IFI35: variants seen among roughly 807,000 people sequenced by gnomAD.
IFI35 encodes the protein interferon induced protein 35.
Under a neutral mutation model 28.6 loss-of-function variants are expected in IFI35, and 30 were observed. The observed-to-expected ratio is 1.05, with a 90% confidence interval of 0.79 to 1.43. The LOEUF is 1.43. Among genes scored for constraint, IFI35 ranks in the 40% most tolerant of loss-of-function variants. The pLI, the probability that IFI35 is intolerant of heterozygous loss-of-function variation, is 0.00. For missense variants in IFI35, 372 were observed against 356.9 expected (o/e 1.04, Z -0.34); for synonymous variants, 146 against 154.8 (o/e 0.94, Z 0.42).
chr17:43,007,440 G>C (rs1468692021), intron 1 of IFI35, among the ~76,000 whole-genome samples: 2 of 151,440 alleles, frequency 1.3e-5, no homozygotes, highest in Non-Finnish European at 2.9e-5. Context: ...GGGAGGCGGA[G>C]GTTGCAGTGA....
At chr17:43,013,935 C>G in intron 6 of IFI35, 53 bp downstream of exon 6, 2 of 1,400,530 alleles carry the variant, frequency 1.4e-6, no homozygotes, top group East Asian at 2.4e-5. Context: ...TGTCTGCCTG[C>G]CAGGAACTTG....
At chr17:43,011,642 A>G (rs1478293095) in intron 1 of IFI35, among the ~76,000 whole-genome samples, 1 of 152,234 alleles carries the variant, frequency 6.6e-6, no homozygotes, top group Non-Finnish European at 1.5e-5. Context: ...CGGGCTTAGC[A>G]CAGTGCCTGG....
intron 1 of IFI35, among the ~76,000 whole-genome samples, chr17:43,009,483 G>A (rs775998): frequency 0.23 from 34,139 of 151,710 alleles, 3,974 homozygotes; most frequent in South Asian, 0.27. Context: ...AGCCGGGCAC[G>A]GTGGCTCACT....
rs752251565 is a variant in IFI35, at chr17:43,014,324, A to AC, written c.*32dup. The AC allele has an allele frequency of 6.5e-5, 97 of 1,481,110 alleles. No individual in the cohort carries two copies. Among genetic ancestry groups the AC allele is most frequent in the South Asian group, 6.4e-4 (47 of 73,260 alleles). The allele number at this position is 1,481,110 out of a possible 1,614,324, so 91.7% of individuals were successfully genotyped here. On this transcript the variant is annotated 3_prime_UTR_variant, in exon 7 of 7. Transcript: ENST00000415816. Reference sequence around the variant, plus strand: ...GGGGCCTCCCCTTCTCATCCTCCCCACCCCCCCGCCAAGGTTCTCACACTG... The same window carrying AC: ...GGGGCCTCCCCTTCTCATCCTCCCCACCCCCCCCGCCAAGGTTCTCACACTG...
In IFI35 at chr17:43,014,339, T is replaced by C. The variant is rs760687955; in HGVS notation, c.*40T>C. The C allele has an allele frequency of 2.3e-5, 34 of 1,447,404 alleles. No individual in the cohort carries two copies. Among genetic ancestry groups the C allele is most frequent in the East Asian group, 2.1e-4 (9 of 42,834 alleles). The allele number at this position is 1,447,404 out of a possible 1,614,324, so 89.7% of individuals were successfully genotyped here. A position where few individuals can be genotyped will look rare whatever the true frequency, so the allele number is the denominator to read the frequency against. On this transcript the variant is annotated 3_prime_UTR_variant, in exon 7 of 7. Coordinates refer to ENST00000415816, the MANE Select transcript of IFI35 (RefSeq NM_001330230.2). ...CATCCTCCCCACCCCCCCGCCAAGG[T>C]TCTCACACTGGCCTGGGCTTGGGTG...
Position 43,013,578 on chromosome 17 carries a change from G to C in IFI35, c.478G>C (p.Gly160Arg). ...GCTGGACAAGCTAGAGATCTTCTTT[G>C]GCAAGACTAGGAACGGAGGTGGCGA... is the stretch of plus-strand genomic sequence containing the variant. Reference protein sequence around the residue: ...ELLDKLEIFFGKTRNGGGDVD... With the variant: ...ELLDKLEIFFRKTRNGGGDVD... The change falls in exon 5 of 7, where the codon GGC (glycine) becomes CGC (arginine). Residue 160 changes from glycine to arginine, a missense_variant. Physicochemically the swap from Gly to Arg is moderately radical, Grantham distance 125 (BLOSUM62 -2). Transcript: ENST00000415816. 3 of 1,614,122 alleles carry C rather than the reference G, an allele frequency of 1.9e-6. No homozygotes were observed. The highest frequency in any genetic ancestry group is 2.5e-6 in the Non-Finnish European group (3 of 1,179,986).
chr17:43,007,285 G>A (rs1040259602), intron 1 of IFI35, among the ~76,000 whole-genome samples: 11 of 152,084 alleles, frequency 7.2e-5, no homozygotes, highest in Admixed American at 3.9e-4. Context: ...GGTGTCTCAC[G>A]CCTGTCATCC....
At chr17:43,013,410 T>G in intron 4 of IFI35, 37 bp downstream of exon 4, 1 of 1,611,966 alleles carries the variant, frequency 6.2e-7, no homozygotes, top group Non-Finnish European at 8.5e-7. Flanking sequence ...ATGCAAAGCA[T>G]GCCATGCACC....
chr17:43,009,352 C>A (rs2050437014), intron 1 of IFI35, among the ~76,000 whole-genome samples: 1 of 152,114 alleles, frequency 6.6e-6, no homozygotes, highest in African/African-American at 2.4e-5. Flanking sequence ...GGGTCCGTGG[C>A]TCCTGCCTGT....
At position 43,013,254 on chromosome 17, in the gene IFI35, TCCCACCA is replaced by T; in HGVS notation, c.269-8_269-2del. 1 of 1,614,024 alleles carries T rather than the reference TCCCACCA, an allele frequency of 6.2e-7. No individual in the cohort carries two copies. Among genetic ancestry groups the T allele is most frequent in the South Asian group, 1.1e-5 (1 of 91,064 alleles). On this transcript the variant is annotated splice_polypyrimidine_tract_variant and splice_region_variant and intron_variant, in intron 3 of 6. Coordinates refer to ENST00000415816, the MANE Select transcript of IFI35 (RefSeq NM_001330230.2). ...GAGGGTTCCCAGTACTGACCCTGTT[TCCCACCA>T]CCCAGTGGCTGAGCAGGTGCTGCAA...
At chr17:43,012,305 G>A (rs773694910) in intron 2 of IFI35, 28 bp downstream of exon 2, 1 of 1,530,014 alleles carries the variant, frequency 6.5e-7, no homozygotes, top group Middle Eastern at 1.7e-4. Flanking sequence ...GTGTTGTTTG[G>A]TAAAAACGAG....
Position 43,013,807 on chromosome 17 carries a change from C to T in IFI35, c.594C>T (p.Phe198=). 1 of 1,612,958 alleles carries T rather than the reference C, an allele frequency of 6.2e-7. No individual in the cohort carries two copies. Among genetic ancestry groups the T allele is most frequent in the Non-Finnish European group, 8.5e-7 (1 of 1,179,496 alleles). The change falls in exon 6 of 7, where the codon TTC becomes TTT. Residue 198 remains phenylalanine (F), a synonymous_variant. Transcript: ENST00000415816. ...AGCGTCTGTGCCAAATCGGCCAGTTCACAGTGCCACTGGGTGGGCAGCAAG... is the reference window on the plus strand; with the variant it reads ...AGCGTCTGTGCCAAATCGGCCAGTTTACAGTGCCACTGGGTGGGCAGCAAG... The part of the protein sequence containing the change: ...VAQRLCQIGQ[F]TVPLGGQQVP...
chr17:43,013,371 CAG>C lies in IFI35; in HGVS notation c.374_375del (p.Gln125HisfsTer23). On this transcript the variant is annotated frameshift_variant and splice_region_variant, in exon 4 of 7. Transcript: ENST00000415816. LOFTEE classifies it high-confidence loss of function. The part of the protein sequence containing the change: ...PLELPMVTTI[Q>X]MSSQLSGRRV... ...GGAGCTGCCCATGGTCACCACCATCCAGGTGATGGTATGACAGAATCCTGGGG... is the reference window on the plus strand; with the variant it reads ...GGAGCTGCCCATGGTCACCACCATCCGTGATGGTATGACAGAATCCTGGGG... 1.2e-6 allele frequency: 2 copies of C among 1,613,460 alleles called. No individual in the cohort carries two copies. The highest frequency in any genetic ancestry group is 1.7e-6 in the Non-Finnish European group (2 of 1,179,470).
chr17:43,007,847 TTATATA>T lies in IFI35; in HGVS notation c.21+900_21+905del, dbSNP rs68028192. Among the ~76,000 whole-genome samples, 34 of 119,042 alleles carry T rather than the reference TTATATA, an allele frequency of 2.9e-4. 1 individual carries two copies. The highest frequency in any genetic ancestry group is 1.1e-3 in the African/African-American group (29 of 25,956). The allele number at this position is 119,042 out of a possible 152,430, so 78.1% of individuals were successfully genotyped here. On this transcript the variant is annotated intron_variant, in intron 1 of 6. Coordinates refer to ENST00000415816, the MANE Select transcript of IFI35 (RefSeq NM_001330230.2). Reference sequence around the variant, plus strand: ...TCTCACACACACACACACACAAAATTTATATATATATATATATATATATATACTATA... The same window carrying T: ...TCTCACACACACACACACACAAAATTTATATATATATATATATATACTATA...
intron 1 of IFI35, 112 bp from the exon 2 acceptor site, chr17:43,012,067 C>T (rs1001994736): frequency 1.4e-6 from 1 of 721,014 alleles, no homozygotes; most frequent in Non-Finnish European, 2.2e-6. Context: ...TGTTCTTGAG[C>T]TTAGCATCAA....
intron 1 of IFI35, 75 bp from the exon 2 acceptor site, chr17:43,012,104 G>GC (rs1334015050): frequency 5.6e-6 from 6 of 1,068,800 alleles, no homozygotes; most frequent in South Asian, 1.5e-5. Flanking sequence ...TCCAGAATAG[G>GC]CCCCACTTCC....
rs773407366 is a variant in IFI35 at position 43,007,009 on chromosome 17, G to A, written c.21+41G>A. The A allele has an allele frequency of 4.5e-5, 72 of 1,608,508 alleles. No individual in the cohort carries two copies. The South Asian group carries it at 7.1e-4, about 16-fold the overall frequency. ...GGAGTTGGGAAGTGGGGAAACAGGA[G>A]TAATCCTCTTGGCTAGGAACCTGCA... On this transcript the variant is annotated intron_variant, in intron 1 of 6. Coordinates refer to ENST00000415816, the MANE Select transcript of IFI35 (RefSeq NM_001330230.2).
intron 1 of IFI35, 160 bp from the exon 2 acceptor site, chr17:43,012,019 G>A: frequency 2.1e-6 from 1 of 470,092 alleles, no homozygotes. Context: ...GGGTGGAGGG[G>A]GCCAAGACCA....
chr17:43,011,058 G>A (rs950745317), intron 1 of IFI35, among the ~76,000 whole-genome samples: 9 of 152,212 alleles, frequency 5.9e-5, no homozygotes, highest in Non-Finnish European at 1.3e-4. Context: ...AAGTGTGACA[G>A]TCCAGGGACA....
Sources: allele counts gnomAD v4.1 joint callset (sites outside exome capture counted in the v4.1 genomes callset), GRCh38; gene constraint gnomAD v4.1.1; transcripts MANE v1.5; gene names NCBI Gene and HGNC (gene_info 2026-07-23, HGNC 2026-07-21).